SAXO1: variants seen among roughly 807,000 people sequenced by gnomAD.
SAXO1 encodes 4930500O09Rik.
In SAXO1, 21 loss-of-function variants were observed where a neutral mutation model predicts 17.5. The observed-to-expected ratio is 1.20, with a 90% CI of 0.85 to 1.72. SAXO1 has a LOEUF of 1.72. SAXO1 is among the 40% of genes most tolerant of loss of function. The pLI, the probability that SAXO1 is intolerant of heterozygous loss-of-function variation, is 0.00. For synonymous variants in SAXO1, 274 were observed against 216.5 expected, an observed-to-expected ratio of 1.27 and a Z score of -2.33; for missense variants, 843 against 596.0, an observed-to-expected ratio of 1.41 and a Z score of -4.32.
At chr9:19,041,277 T>C (rs1372653136) in intron 1 of SAXO1, among the ~76,000 whole-genome samples, 1 of 150,794 alleles carries the variant, frequency 6.6e-6, no homozygotes, top group Non-Finnish European at 1.5e-5. Flanking sequence ...TATAAAACAC[T>C]GATGAAAGAA....
At chr9:19,044,456 G>A (rs1588579541) in intron 1 of SAXO1, among the ~76,000 whole-genome samples, 1 of 152,142 alleles carries the variant, frequency 6.6e-6, no homozygotes, top group South Asian at 2.1e-4. Flanking sequence ...CCACAAACAT[G>A]AGACAAATAG....
intron 1 of SAXO1, among the ~76,000 whole-genome samples, chr9:19,015,057 G>T (rs1834914519): frequency 6.6e-6 from 1 of 152,036 alleles, no homozygotes; most frequent in South Asian, 2.1e-4. Context: ...ATGATGAAGG[G>T]CGTTAAGTGC....
intron 1 of SAXO1, among the ~76,000 whole-genome samples, chr9:19,028,833 C>T (rs180991669): frequency 1.3e-5 from 2 of 152,272 alleles, no homozygotes; most frequent in East Asian, 3.9e-4. Flanking sequence ...ATTTGAAACA[C>T]TTTTCACTTC....
intron 1 of SAXO1, among the ~76,000 whole-genome samples, chr9:18,956,917 C>G (rs922599375): frequency 7.2e-5 from 11 of 152,200 alleles, no homozygotes; most frequent in African/African-American, 2.2e-4. Flanking sequence ...AAGATGTTAT[C>G]CTCCTCAAGG....
chr9:18,974,498 G>C (rs1833059550), intron 1 of SAXO1, among the ~76,000 whole-genome samples: 1 of 152,216 alleles, frequency 6.6e-6, no homozygotes. Context: ...TTTGAGGGTT[G>C]AGGTAGAGAA....
intron 1 of SAXO1, among the ~76,000 whole-genome samples, chr9:19,047,045 G>A (rs1217434689): frequency 2.6e-5 from 4 of 152,110 alleles, no homozygotes; most frequent in African/African-American, 7.2e-5. Context: ...AAATTAGCCA[G>A]GTATGGTGGC....
chr9:19,023,893 C>A (rs1473950790), intron 1 of SAXO1, among the ~76,000 whole-genome samples: 1 of 151,356 alleles, frequency 6.6e-6, no homozygotes, highest in Non-Finnish European at 1.5e-5. Flanking sequence ...CACACCAGCA[C>A]TTTGGGAGTC....
intron 3 of SAXO1, among the ~76,000 whole-genome samples, chr9:18,938,367 G>A (rs112368650): frequency 3.4e-4 from 52 of 152,206 alleles, no homozygotes; most frequent in Middle Eastern, 3.4e-3. Flanking sequence ...TCTGTTTCTG[G>A]GGAGGCCTCA....
chr9:18,957,870 T>C (rs1832319436), intron 1 of SAXO1, among the ~76,000 whole-genome samples: 1 of 152,210 alleles, frequency 6.6e-6, no homozygotes, highest in African/African-American at 2.4e-5. Context: ...CAGTGGTTTA[T>C]AAACTTTTAA....
intron 3 of SAXO1, among the ~76,000 whole-genome samples, chr9:18,935,708 T>G (rs1008519741): frequency 6.6e-6 from 1 of 152,222 alleles, no homozygotes; most frequent in Non-Finnish European, 1.5e-5. Context: ...CCTAGCTGGT[T>G]TGCTGGTCTG....
At chr9:19,005,535 G>C (rs1011026476) in intron 1 of SAXO1, among the ~76,000 whole-genome samples, 1 of 152,166 alleles carries the variant, frequency 6.6e-6, no homozygotes, top group Non-Finnish European at 1.5e-5. Flanking sequence ...GGGAAGGACA[G>C]CCTTTTTTAA....
chr9:19,011,075 T>G (rs1157583983), intron 1 of SAXO1, among the ~76,000 whole-genome samples: 2 of 152,202 alleles, frequency 1.3e-5, no homozygotes, highest in South Asian at 2.1e-4. Flanking sequence ...TCTAATTGTT[T>G]TATGTAGATG....
chr9:19,041,161 G>GAAGA (rs1836069549), intron 1 of SAXO1, among the ~76,000 whole-genome samples: 2 of 73,036 alleles, frequency 2.7e-5, no homozygotes, highest in Non-Finnish European at 5.7e-5. Flanking sequence ...TGAACAATCT[G>GAAGA]AAAAAAAAAA....
chr9:19,024,041 T>TG (rs1404403078), intron 1 of SAXO1, among the ~76,000 whole-genome samples: 1 of 140,300 alleles, frequency 7.1e-6, no homozygotes, highest in African/African-American at 2.8e-5. Flanking sequence ...TTTTTTTTTT[T>TG]TGCGGGGGAA....
intron 1 of SAXO1, among the ~76,000 whole-genome samples, chr9:18,966,075 A>G (rs1453596354): frequency 6.6e-6 from 1 of 151,828 alleles, no homozygotes; most frequent in East Asian, 1.9e-4. Flanking sequence ...ACTGGCCTCC[A>G]CTCTCTTCTG....
At chr9:18,941,900 T>G in intron 2 of SAXO1, 61 bp from the exon 3 acceptor site, 4 of 1,491,120 alleles carry the variant, frequency 2.7e-6, no homozygotes, top group Non-Finnish European at 3.7e-6. Context: ...TTATGTTTTC[T>G]GCTCAACCCA....
At chr9:19,006,507 A>C (rs11792026) in intron 1 of SAXO1, among the ~76,000 whole-genome samples, 6,326 of 152,350 alleles carry the variant, frequency 0.042, 158 homozygotes, top group Non-Finnish European at 0.058. Context: ...AAGTGAAATA[A>C]GCCGGTCACA....
intron 1 of SAXO1, among the ~76,000 whole-genome samples, chr9:18,956,017 G>A (rs1588436466): frequency 6.6e-6 from 1 of 151,348 alleles, no homozygotes; most frequent in African/African-American, 2.4e-5. Context: ...ATAGCTCACT[G>A]CAGCCTCAAA....
At chr9:19,046,781 C>G (rs1836228076) in intron 1 of SAXO1, among the ~76,000 whole-genome samples, 1 of 151,686 alleles carries the variant, frequency 6.6e-6, no homozygotes, top group African/African-American at 2.4e-5. Flanking sequence ...TGTGAGGATC[C>G]CTTGAGCCGA....
Sources: allele counts gnomAD v4.1 joint callset (sites outside exome capture counted in the v4.1 genomes callset), GRCh38; gene constraint gnomAD v4.1.1; transcripts MANE v1.5; gene names NCBI Gene and HGNC (gene_info 2026-07-23, HGNC 2026-07-21).